Variants in PALM2AKAP2 observed in about 807,000 individuals in gnomAD.
PALM2AKAP2 encodes PALM2-AKAP2 fusion protein.
Under a neutral mutation model 71.5 loss-of-function variants are expected in PALM2AKAP2, and 37 were observed. The observed-to-expected ratio is 0.52, with a 90% CI of 0.40 to 0.68. The LOEUF (loss-of-function observed/expected upper bound fraction) is 0.68, where lower values mean the gene tolerates loss of function less well. Ranked by LOEUF, PALM2AKAP2 falls within the 30% of genes least tolerant of loss-of-function variation. The probability of loss-of-function intolerance (pLI) is 0.00; values close to 1 mark genes in which losing one functional copy is unlikely to be tolerated. For synonymous variants in PALM2AKAP2, 468 were observed against 478.8 expected, an observed-to-expected ratio of 0.98 and a Z score of 0.29; for missense variants, 1,224 against 1,191.8, an observed-to-expected ratio of 1.03 and a Z score of -0.40.
intron 1 of PALM2AKAP2, among the ~76,000 whole-genome samples, chr9:109,725,499 G>A (rs1039683318): frequency 6.6e-6 from 1 of 152,022 alleles, no homozygotes; most frequent in African/African-American, 2.4e-5. Context: ...TCTTTTTCTA[G>A]GAATTTAACC....
At chr9:110,149,184 C>T (rs1587862377) in intron 2 of PALM2AKAP2, among the ~76,000 whole-genome samples, 2 of 152,344 alleles carry the variant, frequency 1.3e-5, no homozygotes, top group South Asian at 4.1e-4. Flanking sequence ...TATGCTTTCC[C>T]ACTCATGATG....
At chr9:109,742,474 A>G (rs577652539) in intron 1 of PALM2AKAP2, among the ~76,000 whole-genome samples, 2 of 152,324 alleles carry the variant, frequency 1.3e-5, no homozygotes, top group African/African-American at 4.8e-5. Flanking sequence ...TCAGGAGTCT[A>G]AAAGATGGCA....
intron 6 of PALM2AKAP2, among the ~76,000 whole-genome samples, chr9:109,939,799 T>C (rs1479707746): frequency 6.6e-6 from 1 of 152,250 alleles, no homozygotes; most frequent in Non-Finnish European, 1.5e-5. Flanking sequence ...CATGCACCTC[T>C]ATGACAAATG....
intron 1 of PALM2AKAP2, among the ~76,000 whole-genome samples, chr9:109,676,188 G>A (rs187714404): frequency 1.3e-3 from 196 of 152,218 alleles, no homozygotes; most frequent in Non-Finnish European, 1.3e-3. Flanking sequence ...ACTTCCTCAC[G>A]CTCTGCTCCT....
At chr9:110,171,930 G>C (rs534322601) in exon 4 of PALM2AKAP2, 1 of 152,726 alleles carries the variant, frequency 6.5e-6, no homozygotes, top group African/African-American at 2.4e-5. Flanking sequence ...AGGAGGCCGT[G>C]CTGTGTTTTA....
intron 4 of PALM2AKAP2, 50 bp from the exon 5 acceptor site, chr9:109,925,011 T>C (rs749544469): frequency 2.5e-6 from 4 of 1,613,306 alleles, no homozygotes; most frequent in Middle Eastern, 1.7e-4. Flanking sequence ...AAAGATGGGA[T>C]TGTACCCCCA....
chr9:110,019,555 A>C (rs756863894), intron 7 of PALM2AKAP2, among the ~76,000 whole-genome samples: 3 of 152,260 alleles, frequency 2.0e-5, no homozygotes, highest in African/African-American at 4.8e-5. Context: ...CTAAGTGTTC[A>C]TCAGCGGTAG....
chr9:110,044,752 T>C (rs1416664601), upstream of PALM2AKAP2, among the ~76,000 whole-genome samples: 33 of 152,150 alleles, frequency 2.2e-4, no homozygotes, highest in Admixed American at 2.1e-3. Context: ...CTGATACTTT[T>C]TGGTCTTTCG....
intron 1 of PALM2AKAP2, among the ~76,000 whole-genome samples, chr9:109,681,351 T>C (rs114408262): frequency 3.5e-4 from 54 of 152,338 alleles, no homozygotes; most frequent in African/African-American, 1.2e-3. Context: ...AAGTCAGAGA[T>C]ATAATGTCAT....
chr9:109,885,183 T>C (rs932932471), intron 3 of PALM2AKAP2, among the ~76,000 whole-genome samples: 1 of 152,172 alleles, frequency 6.6e-6, no homozygotes, highest in Non-Finnish European at 1.5e-5. Context: ...TACAGACATG[T>C]TTTTTTCCAA....
At chr9:109,703,040 A>G (rs1324631001) in intron 1 of PALM2AKAP2, among the ~76,000 whole-genome samples, 1 of 152,106 alleles carries the variant, frequency 6.6e-6, no homozygotes, top group African/African-American at 2.4e-5. Flanking sequence ...GTTGATCTTG[A>G]ACTCCTGACC....
chr9:109,928,568 TC>T (rs1831009121), intron 5 of PALM2AKAP2, among the ~76,000 whole-genome samples: 1 of 152,166 alleles, frequency 6.6e-6, no homozygotes, highest in African/African-American at 2.4e-5. Context: ...ATCAGACACT[TC>T]CTGTCTATAT....
At chr9:109,696,814 C>A (rs1827977212) in intron 1 of PALM2AKAP2, among the ~76,000 whole-genome samples, 1 of 152,114 alleles carries the variant, frequency 6.6e-6, no homozygotes, top group African/African-American at 2.4e-5. Context: ...AACTTCCTCA[C>A]CTGGAAGTAG....
chr9:109,844,581 G>A (rs1186845379), intron 1 of PALM2AKAP2, among the ~76,000 whole-genome samples: 3 of 152,194 alleles, frequency 2.0e-5, no homozygotes, highest in Non-Finnish European at 2.9e-5. Context: ...CACTATGTCT[G>A]TACTGTTTTT....
At chr9:110,033,457 G>A (rs945249290) in intron 7 of PALM2AKAP2, among the ~76,000 whole-genome samples, 1 of 152,010 alleles carries the variant, frequency 6.6e-6, no homozygotes, top group African/African-American at 2.4e-5. Flanking sequence ...TGTGGGCTAG[G>A]CACTGTGTTA....
intron 3 of PALM2AKAP2, among the ~76,000 whole-genome samples, chr9:110,158,560 C>T (rs767960493): frequency 2.0e-5 from 3 of 152,186 alleles, no homozygotes; most frequent in African/African-American, 4.8e-5. Context: ...GACACTCTGG[C>T]AGCCACCTAA....
chr9:110,050,968 G>A (rs1833698826), intron 1 of PALM2AKAP2, among the ~76,000 whole-genome samples: 1 of 152,138 alleles, frequency 6.6e-6, no homozygotes, highest in Non-Finnish European at 1.5e-5. Flanking sequence ...TTGAGTGGAG[G>A]CACACCAAGT....
At chr9:109,781,695 G>A (rs1371421366) in intron 1 of PALM2AKAP2, among the ~76,000 whole-genome samples, 2 of 152,210 alleles carry the variant, frequency 1.3e-5, no homozygotes, top group Non-Finnish European at 1.5e-5. Context: ...GAAATGTCTT[G>A]GAGACTTCAC....
intron 3 of PALM2AKAP2, among the ~76,000 whole-genome samples, chr9:109,906,939 A>G (rs568058483): frequency 1.3e-5 from 2 of 152,298 alleles, no homozygotes; most frequent in African/African-American, 4.8e-5. Flanking sequence ...TTCCCTCATG[A>G]GTGCACTCAG....
Sources: gnomAD v4.1 joint callset for allele counts (sites outside exome capture counted in the v4.1 genomes callset) on GRCh38, gnomAD v4.1.1 for gene constraint, MANE v1.5 for transcripts, NCBI Gene and HGNC (gene_info 2026-07-23, HGNC 2026-07-21) for gene names.